RYR2: variants seen among roughly 807,000 people sequenced by gnomAD.
RYR2 encodes the protein ryanodine receptor 2, also known as cardiac muscle ryanodine receptor-calcium release channel.
In RYR2, 227 loss-of-function variants were observed where a neutral mutation model predicts 601.1. The ratio of observed to expected loss-of-function variants is 0.38; its 90% CI spans 0.34 to 0.42. RYR2 has a LOEUF of 0.42. Ranked by LOEUF, RYR2 falls within the 10% of genes least tolerant of loss-of-function variation. The pLI is 1.00. For missense variants in RYR2, 4,646 were observed against 6,156.5 expected, an observed-to-expected ratio of 0.75 and a Z score of 8.21; for synonymous variants, 2,223 against 2,175.1, an observed-to-expected ratio of 1.02 and a Z score of -0.61.
At position 237,378,209 on chromosome 1, in the gene RYR2, C is replaced by T. The variant is rs564597177; in HGVS notation, c.576+774C>T. On this transcript the variant is annotated intron_variant, in intron 8 of 104. Coordinates refer to ENST00000366574, the MANE Select transcript of RYR2 (RefSeq NM_001035.3). The stretch of plus-strand genomic sequence containing the variant: ...TGAGAACATGGGAAAGACTTGACCC[C>T]CATTATTTAATTACCTCCCACCGGG... Among the ~76,000 whole-genome samples the T allele has an allele frequency of 2.0e-5, 3 of 152,182 alleles. No individual in the cohort carries two copies. In the South Asian group the frequency reaches 6.2e-4, roughly 32 times the overall value.
chr1:237,489,600 T>G (rs1663098202), intron 17 of RYR2, among the ~76,000 whole-genome samples: 1 of 152,112 alleles, frequency 6.6e-6, no homozygotes, highest in Non-Finnish European at 1.5e-5. Context: ...GAGGTTGCAG[T>G]GAAGTGAAAT....
chr1:237,779,555 C>A (rs182882704), intron 88 of RYR2, among the ~76,000 whole-genome samples: 1 of 152,262 alleles, frequency 6.6e-6, no homozygotes, highest in East Asian at 1.9e-4. Context: ...TTGTTCCACC[C>A]GTGTGGGCCA....
intron 56 of RYR2, among the ~76,000 whole-genome samples, chr1:237,665,850 A>G (rs529239293): frequency 6.6e-6 from 1 of 152,136 alleles, no homozygotes; most frequent in African/African-American, 2.4e-5. Context: ...AAATATCAAG[A>G]TATAGTTTTA....
intron 3 of RYR2, among the ~76,000 whole-genome samples, chr1:237,344,742 A>G (rs1227909517): frequency 1.3e-5 from 2 of 152,190 alleles, no homozygotes; most frequent in Non-Finnish European, 2.9e-5. Context: ...GTTTTGTTCA[A>G]TGTCCATTCT....
At chr1:237,558,369 A>G (rs1463885557) in intron 27 of RYR2, among the ~76,000 whole-genome samples, 1 of 152,174 alleles carries the variant, frequency 6.6e-6, no homozygotes, top group Non-Finnish European at 1.5e-5. Flanking sequence ...AGCAGTAAAG[A>G]TGTGTTGGGT....
intron 1 of RYR2, among the ~76,000 whole-genome samples, chr1:237,125,560 T>A (rs1389964932): frequency 6.6e-6 from 1 of 152,204 alleles, no homozygotes; most frequent in Non-Finnish European, 1.5e-5. Flanking sequence ...GAAAATTTAA[T>A]TGAAGACCAA....
chr1:237,429,927 A>G (rs1706619625), intron 12 of RYR2, among the ~76,000 whole-genome samples: 1 of 152,032 alleles, frequency 6.6e-6, no homozygotes, highest in African/African-American at 2.4e-5. Context: ...ATTATTCTAT[A>G]TCTATAATAT....
At chr1:237,097,217 G>C (rs1338942287) in intron 1 of RYR2, among the ~76,000 whole-genome samples, 2 of 152,260 alleles carry the variant, frequency 1.3e-5, no homozygotes, top group East Asian at 3.9e-4. Flanking sequence ...GAATTCTTTA[G>C]AGCTGCCAGA....
chr1:237,143,786 G>A (rs1673657784), intron 1 of RYR2, among the ~76,000 whole-genome samples: 1 of 152,076 alleles, frequency 6.6e-6, no homozygotes, highest in South Asian at 2.1e-4. Context: ...CCAGTGTTGG[G>A]GAAAAAGAAC....
At chr1:237,163,743 GT>G (rs1216575201) in intron 1 of RYR2, among the ~76,000 whole-genome samples, 1 of 152,178 alleles carries the variant, frequency 6.6e-6, no homozygotes, top group Non-Finnish European at 1.5e-5. Context: ...GAGTGTGTTA[GT>G]TTTACCAGAA....
At chr1:237,057,605 C>T (rs1662333137) in intron 1 of RYR2, among the ~76,000 whole-genome samples, 1 of 152,152 alleles carries the variant, frequency 6.6e-6, no homozygotes, top group African/African-American at 2.4e-5. Context: ...ATGATATAGA[C>T]AATCTTTTCA....
chr1:237,699,187 G>A (rs1049899297), intron 64 of RYR2, among the ~76,000 whole-genome samples, 162 bp downstream of exon 64: 6 of 152,036 alleles, frequency 3.9e-5, no homozygotes, highest in Admixed American at 2.0e-4. Flanking sequence ...TAATACAGTG[G>A]CAGCTTATGT....
At chr1:237,568,527 T>G (rs1451934398) in intron 28 of RYR2, among the ~76,000 whole-genome samples, 1 of 152,226 alleles carries the variant, frequency 6.6e-6, no homozygotes, top group Admixed American at 6.5e-5. Context: ...GCATCTATAT[T>G]CAATTTTTGG....
At chr1:237,708,515 T>C (rs958196578) in intron 68 of RYR2, among the ~76,000 whole-genome samples, 1 of 152,234 alleles carries the variant, frequency 6.6e-6, no homozygotes, top group African/African-American at 2.4e-5. Context: ...TAGCAGAGCT[T>C]GTCCCTATTC....
chr1:237,117,756 T>TCTTCTCTTCTCTTCC, intron 1 of RYR2, among the ~76,000 whole-genome samples: 1 of 139,248 alleles, frequency 7.2e-6, no homozygotes, highest in East Asian at 2.1e-4. Flanking sequence ...TCTTCTCTTC[T>TCTTCTCTTCTCTTCC]CTGTTCTGAG....
chr1:237,205,080 G>A (rs1022233576), intron 1 of RYR2, among the ~76,000 whole-genome samples: 1 of 152,180 alleles, frequency 6.6e-6, no homozygotes, highest in African/African-American at 2.4e-5. Context: ...AGTGGCCTGA[G>A]CTAGGGGCTG....
At chr1:237,128,600 G>A (rs1236685489) in intron 1 of RYR2, among the ~76,000 whole-genome samples, 4 of 152,154 alleles carry the variant, frequency 2.6e-5, no homozygotes, top group Non-Finnish European at 5.9e-5. Flanking sequence ...CCATGACTTT[G>A]AGTAAGTCAA....
chr1:237,353,766 T>A (rs1204297139), intron 3 of RYR2, among the ~76,000 whole-genome samples: 1 of 152,174 alleles, frequency 6.6e-6, no homozygotes, highest in Non-Finnish European at 1.5e-5. Flanking sequence ...CCTGCAGATA[T>A]TAAAATAGTC....
At chr1:237,585,688 T>C (rs1426629314) in intron 29 of RYR2, among the ~76,000 whole-genome samples, 1 of 152,190 alleles carries the variant, frequency 6.6e-6, no homozygotes, top group Non-Finnish European at 1.5e-5. Context: ...AGAATATGAT[T>C]TGATTTTTCC....
Sources: allele counts gnomAD v4.1 joint callset (sites outside exome capture counted in the v4.1 genomes callset), GRCh38; gene constraint gnomAD v4.1.1; transcripts MANE v1.5; gene names NCBI Gene and HGNC (gene_info 2026-07-23, HGNC 2026-07-21).